Variants in ERCC6L observed in about 807,000 individuals in gnomAD.
ERCC6L encodes ERCC excision repair 6 like, spindle assembly checkpoint helicase, also known as DNA excision repair protein ERCC-6-like.
Under a neutral mutation model 20.1 loss-of-function variants are expected in ERCC6L, and 7 were observed. That is an observed-to-expected ratio of 0.35 (90% CI 0.20 to 0.65). The LOEUF (loss-of-function observed/expected upper bound fraction) is 0.65. Among genes scored for constraint, ERCC6L ranks in the 30% least tolerant of loss-of-function variants. The probability of loss-of-function intolerance (pLI) is 0.69; values close to 1 mark genes in which losing one functional copy is unlikely to be tolerated. For missense variants in ERCC6L, 592 were observed against 892.4 expected (o/e 0.66, Z 4.29); for synonymous variants, 278 against 331.3 (o/e 0.84, Z 1.75).
Position 72,205,882 on chromosome X carries a change from T to G in ERCC6L, c.2885A>C (p.Asp962Ala). ...CTGACTGGAAAAATTTTGTCTGTTG[T>G]CTGCTGAGTCTTCCAAGAAAAGATT... ...DFNLFLEDSA[D>A]NRQNFSSQSL... Residue 962 changes from aspartate to alanine, a missense_variant, in exon 2 of 2, where the codon GAC becomes GCC. This residue lies in a region of ERCC6L where 352 missense variants were observed against 402.6 expected (regional missense o/e 0.87). Transcript: ENST00000334463. The G allele has an allele frequency of 8.3e-7, 1 of 1,211,309 alleles. No individual in the cohort carries two copies. Among genetic ancestry groups the G allele is most frequent in the Non-Finnish European group, 1.1e-6 (1 of 895,307 alleles).
At chrX:72,230,085 G>A (rs1036509651) in intron 1 of ERCC6L, among the ~76,000 whole-genome samples, 4 of 109,805 alleles carry the variant, frequency 3.6e-5, no homozygotes, top group African/African-American at 1.3e-4. Flanking sequence ...TGAGGCAGGA[G>A]AATGGCATGA....
At chrX:72,228,341 C>A (rs2147601027) in intron 1 of ERCC6L, among the ~76,000 whole-genome samples, 1 of 111,866 alleles carries the variant, frequency 8.9e-6, no homozygotes, top group East Asian at 2.8e-4. Flanking sequence ...AACAAAGGGA[C>A]CTTACCAAAT....
chrX:72,221,022 C>T (rs1402456366), intron 1 of ERCC6L, among the ~76,000 whole-genome samples: 2 of 111,680 alleles, frequency 1.8e-5, no homozygotes, highest in Non-Finnish European at 3.8e-5. Context: ...TTTTCTCTCA[C>T]TTCATTTTTG....
intron 1 of ERCC6L, among the ~76,000 whole-genome samples, chrX:72,218,713 G>A (rs2042902014): frequency 9.0e-6 from 1 of 110,726 alleles, no homozygotes; most frequent in Admixed American, 9.7e-5. Context: ...CGGGCTGGTA[G>A]CTCATCAATT....
At chrX:72,214,672 CA>C (rs58451189) in intron 1 of ERCC6L, among the ~76,000 whole-genome samples, 157 of 41,957 alleles carry the variant, frequency 3.7e-3, no homozygotes, top group African/African-American at 7.1e-3. Flanking sequence ...GACTCCATCT[CA>C]AAAAAAAAAA....
intron 1 of ERCC6L, among the ~76,000 whole-genome samples, chrX:72,224,906 C>A (rs1477819887): frequency 9.0e-6 from 1 of 111,259 alleles, no homozygotes; most frequent in Admixed American, 9.6e-5. Flanking sequence ...TCACCTCAAC[C>A]CTAATGGATT....
intron 1 of ERCC6L, among the ~76,000 whole-genome samples, chrX:72,235,514 G>A (rs987664126): frequency 5.5e-5 from 6 of 108,174 alleles, no homozygotes; most frequent in African/African-American, 2.0e-4. Context: ...TCCTGCCTCA[G>A]CCTCCTGGGT....
Position 72,205,290 on chromosome X carries a change from C to T in ERCC6L, c.3477G>A (p.Trp1159Ter). 5 of 1,212,013 alleles carry T rather than the reference C, an allele frequency of 4.1e-6. No homozygotes were observed. Among genetic ancestry groups the T allele is most frequent in the Non-Finnish European group, 5.6e-6 (5 of 895,607 alleles). ...ETLSSENKSSWLMTSKPSALA... is the reference protein window; with the variant it reads ...ETLSSENKSS ...GAGCACTAGGCTTAGACGTCATTAA[C>T]CAGCTGGACTTGTTTTCTGAAGACA... Residue 1159 changes from tryptophan to a stop codon, truncating the protein, a stop_gained, in exon 2 of 2, where the codon TGG becomes TGA. Transcript: ENST00000334463. LOFTEE classifies it low-confidence loss of function (END_TRUNC).
At chrX:72,217,073 T>A (rs923368255) in intron 1 of ERCC6L, among the ~76,000 whole-genome samples, 1 of 112,268 alleles carries the variant, frequency 8.9e-6, no homozygotes, top group Non-Finnish European at 1.9e-5. Flanking sequence ...ACTGTTATGC[T>A]GTTTTTTTCC....
At chrX:72,211,813 C>A (rs1435681946) in intron 1 of ERCC6L, among the ~76,000 whole-genome samples, 1 of 110,994 alleles carries the variant, frequency 9.0e-6, no homozygotes, top group African/African-American at 3.3e-5. Flanking sequence ...ATATTATATA[C>A]AAACAACTCC....
chrX:72,232,782 C>A (rs988412873), intron 1 of ERCC6L, among the ~76,000 whole-genome samples: 3 of 111,522 alleles, frequency 2.7e-5, no homozygotes, highest in African/African-American at 6.5e-5. Flanking sequence ...TGTACTCCAG[C>A]TTGGGCAACA....
chrX:72,207,675 T>C lies in ERCC6L; in HGVS notation c.1092A>G (p.Lys364=), dbSNP rs774459688. Residue 364 remains lysine, a synonymous_variant, in exon 2 of 2, where the codon AAA becomes AAG. Coordinates refer to ENST00000334463, the MANE Select transcript of ERCC6L (RefSeq NM_017669.4). ...AICEMPSLSR[K]NDLIIWIRLV... Reference sequence around the variant, plus strand: ...GTCGTATCCAAATAATTAAATCATTTTTCCTGGAAAGGGAAGGCATTTCAC... The same window carrying C: ...GTCGTATCCAAATAATTAAATCATTCTTCCTGGAAAGGGAAGGCATTTCAC... The C allele has an allele frequency of 3.2e-5, 39 of 1,209,095 alleles. No individual in the cohort carries two copies. The South Asian group carries it at 5.8e-4, about 18-fold the overall frequency.
Position 72,229,900 on chromosome X carries a change from T to C in ERCC6L, c.68+8944A>G, listed in dbSNP as rs182528603. ...GACACAGCCCCAAGCCTTATAAAAG[T>C]CCAAGACCTTGGCCAGGCACGGTGG... On this transcript the variant is annotated intron_variant, in intron 1 of 1. Coordinates refer to ENST00000334463, the MANE Select transcript of ERCC6L (RefSeq NM_017669.4). Among the ~76,000 whole-genome samples, 714 of 111,886 alleles carry C rather than the reference T, an allele frequency of 6.4e-3. 10 individuals carry two copies. Among genetic ancestry groups the C allele is most frequent in the African/African-American group, 0.022 (681 of 30,853 alleles).
At chrX:72,213,387 C>T (rs749198970) in intron 1 of ERCC6L, among the ~76,000 whole-genome samples, 1 of 111,680 alleles carries the variant, frequency 9.0e-6, no homozygotes, top group Non-Finnish European at 1.9e-5. Context: ...GGAAAATGAT[C>T]GGGATATAAA....
At chrX:72,229,276 A>G (rs1602450424) in intron 1 of ERCC6L, among the ~76,000 whole-genome samples, 1 of 111,627 alleles carries the variant, frequency 9.0e-6, no homozygotes, top group South Asian at 3.8e-4. Flanking sequence ...AACCGAGTTA[A>G]CTACCCAGTA....
intron 1 of ERCC6L, among the ~76,000 whole-genome samples, chrX:72,212,802 G>A (rs186888203): frequency 3.6e-5 from 4 of 111,271 alleles, no homozygotes; most frequent in East Asian, 5.7e-4. Flanking sequence ...AAAATTAGCC[G>A]GGTTTGGTGG....
chrX:72,207,909 A>G lies in ERCC6L; in HGVS notation c.858T>C (p.Phe286=). 1 of 1,211,371 alleles carries G rather than the reference A, an allele frequency of 8.3e-7. No individual in the cohort carries two copies. The highest frequency in any genetic ancestry group is 1.1e-6 in the Non-Finnish European group (1 of 895,314). ...QGSLLGTLKT[F]KMEYENPITR... The stretch of plus-strand genomic sequence containing the variant: ...TAATAGGATTTTCATACTCCATCTT[A>G]AAAGTTTTTAATGTTCCCAGCAGGG... Residue 286 remains phenylalanine, a synonymous_variant, in exon 2 of 2, where the codon TTT becomes TTC. Coordinates refer to ENST00000334463, the MANE Select transcript of ERCC6L (RefSeq NM_017669.4).
chrX:72,204,801 C>A lies in ERCC6L; in HGVS notation c.*213G>T. The A allele has an allele frequency of 3.5e-6, 1 of 284,554 alleles. No individual in the cohort carries two copies. The highest frequency in any genetic ancestry group is 6.1e-6 in the Non-Finnish European group (1 of 163,593). The allele number at this position is 284,554 out of a possible 1,213,427, so 23.5% of individuals were successfully genotyped here. ...AACACAGTTAAATTTATAGAATATGCCTAAAATATAAGAATATTCAAGTGA... is the reference window on the plus strand; with the variant it reads ...AACACAGTTAAATTTATAGAATATGACTAAAATATAAGAATATTCAAGTGA... On this transcript the variant is annotated 3_prime_UTR_variant, in exon 2 of 2. Transcript: ENST00000334463.
At chrX:72,210,202 AAAATAAATAAAT>A (rs58086876) in intron 1 of ERCC6L, among the ~76,000 whole-genome samples, 126 of 97,187 alleles carry the variant, frequency 1.3e-3, no homozygotes, top group East Asian at 3.1e-3. Context: ...TGTCTCTTAA[AAAATAAATAAAT>A]AAATAAATAA....
Sources: allele counts gnomAD v4.1 joint callset (sites outside exome capture counted in the v4.1 genomes callset), GRCh38; gene constraint gnomAD v4.1.1; regional missense constraint gnomAD v4.1.1; transcripts MANE v1.5; gene names NCBI Gene and HGNC (gene_info 2026-07-23, HGNC 2026-07-21).